Variants in EIF4G3 observed in about 807,000 individuals in gnomAD.
EIF4G3 encodes the protein eIF-4-gamma 3.
A neutral mutation model predicts 186.4 loss-of-function variants in EIF4G3; 34 were observed. The ratio of observed to expected loss-of-function variants is 0.18; its 90% CI spans 0.14 to 0.24. The LOEUF is 0.24. EIF4G3 is among the 10% of genes least tolerant of loss of function. The pLI, the probability that EIF4G3 is intolerant of heterozygous loss-of-function variation, is 1.00. For synonymous variants in EIF4G3, 673 were observed against 679.5 expected, an observed-to-expected ratio of 0.99 and a Z score of 0.15; for missense variants, 1,536 against 1,948.5, an observed-to-expected ratio of 0.79 and a Z score of 3.99.
Position 21,176,306 on chromosome 1 carries a change from CG to C in EIF4G3, c.-404del. On this transcript the variant is annotated 5_prime_UTR_variant, in exon 2 of 37. Coordinates refer to ENST00000602326, the MANE Select transcript of EIF4G3 (RefSeq NM_001391906.1). ...GGTGAGGAGGCGGTACCGCTGCTGC[CG>C]CCGCCGCCGCCGCTCCGGTGCCGGG... is the stretch of plus-strand genomic sequence containing the variant. The C allele has an allele frequency of 3.8e-6, 1 of 261,868 alleles. No homozygotes were observed. Among genetic ancestry groups the C allele is most frequent in the Non-Finnish European group, 6.9e-6 (1 of 144,142 alleles). 16.2% of individuals were successfully genotyped at this position (261,868 alleles called of 1,614,324 possible).
intron 27 of EIF4G3, 143 bp downstream of exon 27, chr1:20,853,417 A>T: frequency 1.8e-6 from 1 of 558,990 alleles, no homozygotes; most frequent in Non-Finnish European, 3.3e-6. Context: ...TAGAAATTAT[A>T]GTGTGTGAAG....
intron 3 of EIF4G3, among the ~76,000 whole-genome samples, chr1:21,058,715 CTCTCTTTTTTTTTTT>C (rs1308924805): frequency 2.6e-5 from 3 of 117,220 alleles, no homozygotes; most frequent in African/African-American, 1.0e-4. Context: ...TTCTCTCTCT[CTCTCTTTTTTTTTTT>C]TTTTTTTTTT....
intron 14 of EIF4G3, among the ~76,000 whole-genome samples, chr1:20,940,645 T>C (rs1172155975): frequency 6.6e-6 from 1 of 152,232 alleles, no homozygotes; most frequent in Non-Finnish European, 1.5e-5. Flanking sequence ...TTACTTAATC[T>C]GACAGGCACA....
chr1:20,927,521 T>G (rs1049760988), intron 14 of EIF4G3, among the ~76,000 whole-genome samples: 1 of 152,128 alleles, frequency 6.6e-6, no homozygotes, highest in Admixed American at 6.5e-5. Flanking sequence ...AGAGTTGTAA[T>G]AGCTGAGGTG....
At chr1:20,984,865 G>A (rs2079108025) in intron 7 of EIF4G3, among the ~76,000 whole-genome samples, 1 of 152,158 alleles carries the variant, frequency 6.6e-6, no homozygotes, top group Non-Finnish European at 1.5e-5. Flanking sequence ...TGGGATTACA[G>A]GCGTGAGCCA....
intron 20 of EIF4G3, among the ~76,000 whole-genome samples, chr1:20,869,998 G>A (rs2078749682): frequency 6.6e-6 from 1 of 152,020 alleles, no homozygotes; most frequent in Non-Finnish European, 1.5e-5. Flanking sequence ...TACCTGAAGA[G>A]GTATAGTGTT....
intron 20 of EIF4G3, among the ~76,000 whole-genome samples, chr1:20,876,212 G>A (rs1246472401): frequency 2.6e-5 from 3 of 113,816 alleles, no homozygotes; most frequent in African/African-American, 1.0e-4. Flanking sequence ...TATAGAGTGA[G>A]AGCCTGTCTC....
At chr1:20,854,644 G>A (rs2074342249) in intron 26 of EIF4G3, among the ~76,000 whole-genome samples, 1 of 151,622 alleles carries the variant, frequency 6.6e-6, no homozygotes, top group African/African-American at 2.4e-5. Flanking sequence ...GGTTGAGGCT[G>A]TGGTGAGTTG....
In EIF4G3 at chr1:21,155,621, A is replaced by G. The variant is rs566981602; in HGVS notation, c.-272+20554T>C. Among the ~76,000 whole-genome samples the G allele has an allele frequency of 8.5e-4, 129 of 152,146 alleles. 2 individuals are homozygous for G. Among genetic ancestry groups the G allele is most frequent in the African/African-American group, 2.9e-3 (121 of 41,526 alleles). ...TAATGCGGGAGAATTGCTTGAGCCC[A>G]GGAGTTGGGAGTTTGCAGTGAGCTA... is the stretch of plus-strand genomic sequence containing the variant. On this transcript the variant is annotated intron_variant, in intron 2 of 36. Transcript: ENST00000602326.
chr1:21,076,836 C>T (rs2095603869), intron 3 of EIF4G3, among the ~76,000 whole-genome samples: 4 of 151,930 alleles, frequency 2.6e-5, no homozygotes, highest in South Asian at 2.1e-4. Flanking sequence ...AACCATGAAA[C>T]GAATACAAGA....
intron 4 of EIF4G3, among the ~76,000 whole-genome samples, chr1:21,017,627 CAAAAAAAAAAA>C (rs71014146): frequency 0.051 from 2,515 of 49,396 alleles, 26 homozygotes; most frequent in South Asian, 0.075. Context: ...GACTCCGTCT[CAAAAAAAAAAA>C]AAAAAAAAAA....
At chr1:21,020,019 A>G (rs975432895) in intron 4 of EIF4G3, among the ~76,000 whole-genome samples, 3 of 152,224 alleles carry the variant, frequency 2.0e-5, no homozygotes, top group African/African-American at 7.2e-5. Context: ...TTCTGTTACT[A>G]TTGCAACTGC....
intron 2 of EIF4G3, among the ~76,000 whole-genome samples, chr1:21,154,855 T>C (rs553844469): frequency 1.3e-3 from 204 of 152,346 alleles, no homozygotes; most frequent in Non-Finnish European, 2.2e-3. Flanking sequence ...ATTGTCTCAT[T>C]ATTTGAGTAT....
intron 30 of EIF4G3, among the ~76,000 whole-genome samples, chr1:20,837,425 C>G (rs1034176762): frequency 9.2e-5 from 14 of 152,108 alleles, no homozygotes; most frequent in Middle Eastern, 3.2e-3. Flanking sequence ...AGGATGGTCT[C>G]GATCTCCTGA....
chr1:20,908,468 GTT>G (rs2154557814), intron 14 of EIF4G3, among the ~76,000 whole-genome samples: 1 of 152,266 alleles, frequency 6.6e-6, no homozygotes, highest in African/African-American at 2.4e-5. Flanking sequence ...CTGTGCTACA[GTT>G]TACTGTTCCT....
chr1:20,947,624 G>A (rs1397414382), intron 13 of EIF4G3, among the ~76,000 whole-genome samples: 3 of 152,022 alleles, frequency 2.0e-5, no homozygotes, highest in Non-Finnish European at 4.4e-5. Flanking sequence ...AAGGGAGTAA[G>A]GCAGAAACAG....
chr1:20,825,250 A>AC, intron 32 of EIF4G3, 52 bp from the exon 33 acceptor site: 56 of 772,952 alleles, frequency 7.2e-5, no homozygotes, highest in East Asian at 9.2e-5. Flanking sequence ...AAGAAGAAAC[A>AC]GAAAAAAAAA....
In EIF4G3 at chr1:20,810,960, CTTTTT is replaced by C; in HGVS notation, c.4598-81_4598-77del. 1 of 1,464,112 alleles carries C rather than the reference CTTTTT, an allele frequency of 6.8e-7. No individual in the cohort carries two copies. Among genetic ancestry groups the C allele is most frequent in the Non-Finnish European group, 9.2e-7 (1 of 1,082,686 alleles). 90.7% of individuals were successfully genotyped at this position (1,464,112 alleles called of 1,614,324 possible). A position where few individuals can be genotyped will look rare whatever the true frequency, so the allele number is the denominator to read the frequency against. ...TTATCTTTAATTTTCTTTCTTTTTT[CTTTTT>C]TTGAGACAGAGCCTCACTCTATTGC... On this transcript the variant is annotated intron_variant, in intron 35 of 36. Coordinates refer to ENST00000602326, the MANE Select transcript of EIF4G3 (RefSeq NM_001391906.1). The surrounding 1 kb of genome is among the most constrained non-coding windows in gnomAD (Gnocchi z 4.1).
intron 25 of EIF4G3, among the ~76,000 whole-genome samples, chr1:20,856,965 A>G (rs558970244): frequency 1.3e-5 from 2 of 152,126 alleles, no homozygotes; most frequent in East Asian, 3.9e-4. Context: ...GATCGAGACC[A>G]TCCTGGCTAA....
Sources: gnomAD v4.1 joint callset for allele counts (sites outside exome capture counted in the v4.1 genomes callset) on GRCh38, gnomAD v4.1.1 for gene constraint, Gnocchi (gnomAD v3.1) non-coding constraint, MANE v1.5 for transcripts, NCBI Gene and HGNC (gene_info 2026-07-23, HGNC 2026-07-21) for gene names.